KCNQ3: variants seen among roughly 807,000 people sequenced by gnomAD.
The protein encoded by KCNQ3 is potassium voltage-gated channel subfamily KQT member 3.
KCNQ3 carries 30 observed loss-of-function variants against 92.5 expected under a neutral mutation model. The ratio of observed to expected loss-of-function variants is 0.32; its 90% confidence interval spans 0.24 to 0.44. KCNQ3 has a LOEUF of 0.44. KCNQ3 is among the 20% of genes least tolerant of loss of function. KCNQ3 has a pLI of 1.00. For synonymous variants in KCNQ3, 450 were observed against 468.8 expected, an observed-to-expected ratio of 0.96 and a Z score of 0.52; for missense variants, 913 against 1,140.3, an observed-to-expected ratio of 0.80 and a Z score of 2.87.
intron 1 of KCNQ3, among the ~76,000 whole-genome samples, chr8:132,418,061 C>T (rs368141951): frequency 6.6e-5 from 10 of 152,148 alleles, no homozygotes; most frequent in African/African-American, 2.4e-4. Context: ...CTGAGATCAC[C>T]GGGATTGGAT....
chr8:132,471,258 T>A (rs559892984), intron 1 of KCNQ3, among the ~76,000 whole-genome samples: 11 of 152,158 alleles, frequency 7.2e-5, no homozygotes, highest in Admixed American at 2.6e-4. Flanking sequence ...GACATGAGGA[T>A]AGAAGCACCA....
intron 1 of KCNQ3, among the ~76,000 whole-genome samples, chr8:132,288,005 T>G (rs1250438799): frequency 6.6e-6 from 1 of 152,230 alleles, no homozygotes; most frequent in African/African-American, 2.4e-5. Flanking sequence ...GGTTGCCACC[T>G]TGTGAGCTCT....
intron 1 of KCNQ3, among the ~76,000 whole-genome samples, chr8:132,368,337 T>C (rs535030553): frequency 9.8e-4 from 149 of 152,296 alleles, no homozygotes; most frequent in Non-Finnish European, 1.5e-3. Flanking sequence ...CATGTCTTTT[T>C]CACAACAATC....
chr8:132,480,408 T>C lies in KCNQ3; in HGVS notation c.125A>G (p.Lys42Arg). The C allele has an allele frequency of 6.6e-7, 1 of 1,515,324 alleles. No homozygotes were observed. The highest frequency in any genetic ancestry group is 1.9e-5 in the Admixed American group (1 of 52,334). 93.9% of individuals were successfully genotyped at this position (1,515,324 alleles called of 1,614,324 possible). A position where few individuals can be genotyped will look rare whatever the true frequency, so the allele number is the denominator to read the frequency against. Residue 42 changes from lysine to arginine, a missense_variant, in exon 1 of 15, where the codon AAA becomes AGA. Physicochemically the swap from Lys to Arg is conservative, Grantham distance 26. This residue lies in a region of KCNQ3 where 183 missense variants were observed against 167.7 expected (regional missense o/e 1.09). Transcript: ENST00000388996. ...DAAAAGDEER[K>R]VGLAPGDVEQ... Reference sequence around the variant, plus strand: ...CACGTCGCCGGGCGCCAGCCCCACTTTCCGCTCCTCGTCGCCGGCCGCCGC... The same window carrying C: ...CACGTCGCCGGGCGCCAGCCCCACTCTCCGCTCCTCGTCGCCGGCCGCCGC...
At position 132,480,985 on chromosome 8, in the gene KCNQ3, G is replaced by A; in HGVS notation, c.-453C>T. ...CCGCCCGCCAGCCACACGCGCCGCC[G>A]CCGCCGCCTCCTCCCTCCTCCGCGC... On this transcript the variant is annotated 5_prime_UTR_variant, in exon 1 of 15. Transcript: ENST00000388996. The A allele has an allele frequency of 6.7e-6, 1 of 150,004 alleles. No homozygotes were observed. The highest frequency in any genetic ancestry group is 1.5e-5 in the Non-Finnish European group (1 of 67,682). 9.3% of individuals were successfully genotyped at this position (150,004 alleles called of 1,614,324 possible).
rs533018473 is a variant in KCNQ3 at position 132,191,124 on chromosome 8, T to A, written c.387-4943A>T. Reference sequence around the variant, plus strand: ...GACATGAAAGATATTGTAGATCAAATGAAGACTTTGAGCTTTATTCTGCAG... The same window carrying A: ...GACATGAAAGATATTGTAGATCAAAAGAAGACTTTGAGCTTTATTCTGCAG... On this transcript the variant is annotated intron_variant, in intron 1 of 14. Transcript: ENST00000388996. 7.9e-5 allele frequency among the ~76,000 whole-genome samples: 12 copies of A among 152,346 alleles called. No homozygotes were observed. In the South Asian group the frequency reaches 2.5e-3, roughly 32 times the overall value.
chr8:132,454,334 C>T (rs1282609727), intron 1 of KCNQ3, among the ~76,000 whole-genome samples: 1 of 152,354 alleles, frequency 6.6e-6, no homozygotes, highest in East Asian at 1.9e-4. Context: ...ACGTCCACAA[C>T]AGGTCACAGT....
rs1824774416 is a variant in KCNQ3 at position 132,129,316 on chromosome 8, G to A, written c.2565C>T (p.Ser855=). 1 of 1,614,084 alleles carries A rather than the reference G, an allele frequency of 6.2e-7. No individual in the cohort carries two copies. The highest frequency in any genetic ancestry group is 8.5e-7 in the Non-Finnish European group (1 of 1,180,026). The change falls in exon 15 of 15, where the codon TCC becomes TCT. Residue 855 remains serine (S), a synonymous_variant. Transcript: ENST00000388996. The surrounding 1 kb of genome is among the most constrained non-coding windows in gnomAD (Gnocchi z 5.9). ...FTPSGSMPLS[S]TGDGISDSVW... The stretch of plus-strand genomic sequence containing the variant: ...CTGAATCAGAAATCCCATCCCCTGT[G>A]GACGACAGAGGCATGGAGCCGCTGG...
At position 132,122,757 on chromosome 8, in the gene KCNQ3, C is replaced by T. The variant is rs949212702; in HGVS notation, c.*6505G>A. ...TGAAACATCCTACCACAGGGATTCA[C>T]AAGGACTGCTGGGGAGCCCTGCCAA... On this transcript the variant is annotated 3_prime_UTR_variant, in exon 15 of 15. Coordinates refer to ENST00000388996, the MANE Select transcript of KCNQ3 (RefSeq NM_004519.4). The T allele has an allele frequency of 4.6e-5, 7 of 152,208 alleles. No homozygotes were observed. The highest frequency in any genetic ancestry group is 1.7e-4 in the African/African-American group (7 of 41,444). 9.4% of individuals were successfully genotyped at this position (152,208 alleles called of 1,614,324 possible).
intron 7 of KCNQ3, among the ~76,000 whole-genome samples, chr8:132,170,696 T>C (rs2130111158): frequency 6.6e-6 from 1 of 152,130 alleles, no homozygotes; most frequent in South Asian, 2.1e-4. Context: ...AAGAGAGTAG[T>C]AGGCATAAAA....
At chr8:132,306,897 A>G (rs1051208621) in intron 1 of KCNQ3, among the ~76,000 whole-genome samples, 1 of 152,174 alleles carries the variant, frequency 6.6e-6, no homozygotes, top group Non-Finnish European at 1.5e-5. Context: ...GAATCCACAT[A>G]AGGAGTTTTT....
intron 1 of KCNQ3, among the ~76,000 whole-genome samples, chr8:132,342,500 A>T (rs1037813825): frequency 1.3e-5 from 2 of 152,184 alleles, no homozygotes; most frequent in African/African-American, 4.8e-5. Context: ...TTGGGTTGAC[A>T]AGGTATGATA....
At chr8:132,235,790 G>T (rs771562325) in intron 1 of KCNQ3, among the ~76,000 whole-genome samples, 5 of 152,186 alleles carry the variant, frequency 3.3e-5, no homozygotes, top group Admixed American at 2.0e-4. Context: ...GCATCATTTA[G>T]ATCTCAGCCA....
intron 1 of KCNQ3, among the ~76,000 whole-genome samples, chr8:132,270,427 T>C (rs1443893620): frequency 1.3e-5 from 2 of 152,226 alleles, no homozygotes; most frequent in Non-Finnish European, 2.9e-5. Context: ...CTAAGAACTG[T>C]GTGTAACAGA....
intron 1 of KCNQ3, among the ~76,000 whole-genome samples, chr8:132,427,399 A>G (rs529047455): frequency 6.6e-4 from 101 of 152,348 alleles, no homozygotes; most frequent in Admixed American, 3.7e-3. Context: ...GTAAGGAGTC[A>G]CATCATGGTG....
chr8:132,198,043 G>A (rs1827353026), intron 1 of KCNQ3, among the ~76,000 whole-genome samples: 2 of 152,038 alleles, frequency 1.3e-5, no homozygotes, highest in Admixed American at 1.3e-4. Context: ...TTTGTTTCCA[G>A]TCAATAGACT....
rs189917088 is a variant in KCNQ3, at chr8:132,185,948, G to A, written c.477+143C>T. 1.3e-4 allele frequency: 95 copies of A among 707,726 alleles called. No individual in the cohort carries two copies. The East Asian group carries it at 2.5e-3, about 19-fold the overall frequency. The allele number at this position is 707,726 out of a possible 1,614,324, so 43.8% of individuals were successfully genotyped here. Reference sequence around the variant, plus strand: ...ATGGCGGGCCATACCAAGTAATGGAGGCTTTGCTTTTCCTTGGGCCTGGAC... The same window carrying A: ...ATGGCGGGCCATACCAAGTAATGGAAGCTTTGCTTTTCCTTGGGCCTGGAC... On this transcript the variant is annotated intron_variant, in intron 2 of 14. Transcript: ENST00000388996.
intron 1 of KCNQ3, among the ~76,000 whole-genome samples, chr8:132,464,024 A>C (rs1822118183): frequency 6.6e-6 from 1 of 152,198 alleles, no homozygotes; most frequent in Admixed American, 6.5e-5. Context: ...GTTTCTACTA[A>C]AAGTACAAAA....
At chr8:132,383,935 T>C (rs1320896209) in intron 1 of KCNQ3, among the ~76,000 whole-genome samples, 1 of 152,130 alleles carries the variant, frequency 6.6e-6, no homozygotes, top group Admixed American at 6.5e-5. Flanking sequence ...AATGAGTGAA[T>C]AGAGGAAAAG....
Sources: gnomAD v4.1 joint callset for allele counts (sites outside exome capture counted in the v4.1 genomes callset) on GRCh38, gnomAD v4.1.1 for gene constraint, gnomAD v4.1.1 regional missense constraint, Gnocchi (gnomAD v3.1) non-coding constraint, MANE v1.5 for transcripts, NCBI Gene and HGNC (gene_info 2026-07-23, HGNC 2026-07-21) for gene names.